NCOA2: variants seen among roughly 807,000 people sequenced by gnomAD.
The protein encoded by NCOA2 is nuclear receptor coactivator 2, also known as class E basic helix-loop-helix protein 75.
NCOA2 carries 21 observed loss-of-function variants against 145.1 expected under a neutral mutation model. That is an observed-to-expected ratio of 0.14 (90% CI 0.10 to 0.21). The LOEUF is 0.21. NCOA2 is among the 10% of genes least tolerant of loss of function. NCOA2 has a pLI of 1.00. For synonymous variants in NCOA2, 619 were observed against 637.5 expected, an observed-to-expected ratio of 0.97 and a Z score of 0.44; for missense variants, 1,472 against 1,837.6, an observed-to-expected ratio of 0.80 and a Z score of 3.64.
intron 2 of NCOA2, among the ~76,000 whole-genome samples, chr8:70,282,709 C>T (rs952161822): frequency 7.5e-5 from 11 of 146,948 alleles, no homozygotes; most frequent in African/African-American, 2.7e-4. Flanking sequence ...AAAAAAGTAG[C>T]CAGGCTCCTG....
chr8:70,214,203 T>C (rs928988432), intron 3 of NCOA2, 128 bp from the exon 4 acceptor site: 6 of 904,690 alleles, frequency 6.6e-6, no homozygotes, highest in Non-Finnish European at 8.3e-6. Flanking sequence ...AGAAATACTT[T>C]TGGGGGAAAA....
At position 70,230,558 on chromosome 8, in the gene NCOA2, G is replaced by C. The variant is rs188380280; in HGVS notation, c.-19-13794C>G. Among the ~76,000 whole-genome samples the C allele has an allele frequency of 1.5e-3, 224 of 152,312 alleles. 2 individuals carry two copies. The Middle Eastern group carries it at 0.017, about 12-fold the overall frequency. On this transcript the variant is annotated intron_variant, in intron 2 of 22. Transcript: ENST00000452400. ...GGCAACACTGTGCAACAGATAAATAGATAGTTTGCAAGTATTTAGAAAACA... is the reference window on the plus strand; with the variant it reads ...GGCAACACTGTGCAACAGATAAATACATAGTTTGCAAGTATTTAGAAAACA...
intron 4 of NCOA2, among the ~76,000 whole-genome samples, chr8:70,176,980 T>C (rs189570521): frequency 1.3e-5 from 2 of 152,228 alleles, no homozygotes; most frequent in Non-Finnish European, 2.9e-5. Context: ...TCATAATTTA[T>C]GTGGTCCTAC....
At chr8:70,175,936 G>A (rs1050700558) in intron 4 of NCOA2, among the ~76,000 whole-genome samples, 1 of 150,542 alleles carries the variant, frequency 6.6e-6, no homozygotes, top group East Asian at 1.9e-4. Context: ...ATTTATGGCT[G>A]AGAACCTAGA....
intron 4 of NCOA2, among the ~76,000 whole-genome samples, chr8:70,195,760 G>A (rs976777332): frequency 6.6e-6 from 1 of 152,098 alleles, no homozygotes; most frequent in Non-Finnish European, 1.5e-5. Context: ...GAAATCCCAC[G>A]TTCCATTGCA....
chr8:70,115,468 GT>G (rs1374813878), intron 22 of NCOA2, among the ~76,000 whole-genome samples: 1 of 152,148 alleles, frequency 6.6e-6, no homozygotes, highest in Non-Finnish European at 1.5e-5. Context: ...TAGGGGTGGG[GT>G]CCATTACGTA....
At chr8:70,353,815 G>C (rs1238112455) in intron 1 of NCOA2, among the ~76,000 whole-genome samples, 1 of 152,088 alleles carries the variant, frequency 6.6e-6, no homozygotes, top group Non-Finnish European at 1.5e-5. Flanking sequence ...CAGTGTCCTA[G>C]AATTGTTTGC....
chr8:70,240,125 T>A (rs193219416), intron 2 of NCOA2, among the ~76,000 whole-genome samples: 74 of 152,276 alleles, frequency 4.9e-4, no homozygotes, highest in Non-Finnish European at 8.8e-5. Context: ...TTTGACTGCA[T>A]CTCCTAACAC....
In NCOA2 at chr8:70,128,489, G is replaced by A; in HGVS notation, c.3625C>T (p.Gln1209Ter). Residue 1209 changes from glutamine to a stop codon, truncating the protein, a stop_gained, in exon 18 of 23, where the codon CAA becomes TAA. Coordinates refer to ENST00000452400, the MANE Select transcript of NCOA2 (RefSeq NM_006540.4). LOFTEE classifies it high-confidence loss of function. The part of the protein sequence containing the change: ...AQQNRQPLMN[Q>*]ISNVSNVNLT... ...TTCACATTGGAAACATTGCTGATTT[G>A]ATTCATAAGTGGCTGGCGATTCTAA... is the stretch of plus-strand genomic sequence containing the variant. 1 of 1,612,912 alleles carries A rather than the reference G, an allele frequency of 6.2e-7. No homozygotes were observed. Among genetic ancestry groups the A allele is most frequent in the South Asian group, 1.1e-5 (1 of 90,798 alleles).
rs1809174384 is a variant in NCOA2 at position 70,132,007 on chromosome 8, A to G, written c.3159-5T>C. 1 of 1,610,848 alleles carries G rather than the reference A, an allele frequency of 6.2e-7. No individual in the cohort carries two copies. Among genetic ancestry groups the G allele is most frequent in the Non-Finnish European group, 8.5e-7 (1 of 1,178,646 alleles). Reference sequence around the variant, plus strand: ...GGAGAACTGCCAAATGGCTGCCTGTAAAGACAGAAATGTCACCTTGGGCCA... The same window carrying G: ...GGAGAACTGCCAAATGGCTGCCTGTGAAGACAGAAATGTCACCTTGGGCCA... On this transcript the variant is annotated splice_region_variant and splice_polypyrimidine_tract_variant and intron_variant, in intron 15 of 22. Transcript: ENST00000452400.
chr8:70,245,217 C>A (rs1043112783), intron 2 of NCOA2: 2 of 152,092 alleles, frequency 1.3e-5, no homozygotes, highest in African/African-American at 4.8e-5. Context: ...ATGCTGAGCA[C>A]CCCGCCGCTT....
At chr8:70,342,450 G>T (rs1270939174) in intron 1 of NCOA2, among the ~76,000 whole-genome samples, 1 of 151,958 alleles carries the variant, frequency 6.6e-6, no homozygotes, top group Non-Finnish European at 1.5e-5. Flanking sequence ...ATTGCCTTTT[G>T]TTCCCTCTAA....
intron 2 of NCOA2, among the ~76,000 whole-genome samples, chr8:70,240,909 C>T (rs111461267): frequency 0.019 from 2,938 of 152,174 alleles, 52 homozygotes; most frequent in Middle Eastern, 0.051. Context: ...AGAATCAATG[C>T]TATTACATTA....
chr8:70,452,624 A>G, the NCOA2 span, among the ~76,000 whole-genome samples: 11 of 152,228 alleles, frequency 7.2e-5, no homozygotes, highest in Admixed American at 5.9e-4. Flanking sequence ...AGAGCTAGAT[A>G]GAATTGAAGT....
intron 2 of NCOA2, among the ~76,000 whole-genome samples, chr8:70,231,548 GAAAGACCCT>G (rs991375386): frequency 1.4e-4 from 21 of 152,338 alleles, no homozygotes; most frequent in Admixed American, 1.3e-3. Flanking sequence ...ATCCCTTGAG[GAAAGACCCT>G]AGGAGATCAG....
At chr8:70,172,633 G>A (rs1814381951) in intron 5 of NCOA2, among the ~76,000 whole-genome samples, 1 of 152,194 alleles carries the variant, frequency 6.6e-6, no homozygotes, top group African/African-American at 2.4e-5. Flanking sequence ...AGAACTGTGT[G>A]CAAGTGTGTG....
chr8:70,296,845 T>C (rs1168297788), intron 1 of NCOA2, 45 bp from the exon 2 acceptor site: 1 of 152,192 alleles, frequency 6.6e-6, no homozygotes, highest in Non-Finnish European at 1.5e-5. Context: ...ATCTGCAGAA[T>C]CCTAAGATTC....
chr8:70,284,534 A>T lies in NCOA2; in HGVS notation c.-20+12210T>A, dbSNP rs1016767442. ...AAAAAGCTAGAAAGGGAAGACTATA[A>T]TAGGGAGGGACTTTAACCCTCTCAG... On this transcript the variant is annotated intron_variant, in intron 2 of 22. Coordinates refer to ENST00000452400, the MANE Select transcript of NCOA2 (RefSeq NM_006540.4). Among the ~76,000 whole-genome samples, 16 of 152,308 alleles carry T rather than the reference A, an allele frequency of 1.1e-4. No individual in the cohort carries two copies. The Middle Eastern group carries it at 0.02, about 194-fold the overall frequency.
chr8:70,200,547 T>C (rs1466559937), intron 4 of NCOA2, among the ~76,000 whole-genome samples: 3 of 152,138 alleles, frequency 2.0e-5, no homozygotes, highest in Non-Finnish European at 4.4e-5. Flanking sequence ...ACTGACAAAA[T>C]CATTGTGTAA....
Sources: allele counts gnomAD v4.1 joint callset (sites outside exome capture counted in the v4.1 genomes callset), GRCh38; gene constraint gnomAD v4.1.1; transcripts MANE v1.5; gene names NCBI Gene and HGNC (gene_info 2026-07-23, HGNC 2026-07-21).